The following PLCH1 variants were observed in gnomAD, a reference collection of about 807,000 sequenced individuals.
PLCH1 encodes 1-phosphatidylinositol 4,5-bisphosphate phosphodiesterase eta-1.
A neutral mutation model predicts 126.7 loss-of-function variants in PLCH1; 60 were observed. The ratio of observed to expected loss-of-function variants is 0.47; its 90% CI spans 0.38 to 0.59. PLCH1 has a LOEUF of 0.59. Ranked by LOEUF, PLCH1 falls within the 20% of genes least tolerant of loss-of-function variation. The pLI, the probability that PLCH1 is intolerant of heterozygous loss-of-function variation, is 0.00. For missense variants in PLCH1, 1,723 were observed against 2,040.0 expected, an observed-to-expected ratio of 0.84 and a Z score of 2.99; for synonymous variants, 719 against 734.9, an observed-to-expected ratio of 0.98 and a Z score of 0.35.
chr3:155,517,036 A>G, intron 11 of PLCH1, among the ~76,000 whole-genome samples: 1 of 152,164 alleles, frequency 6.6e-6, no homozygotes, highest in Admixed American at 6.5e-5. Context: ...GCCAGGTGCC[A>G]TGGCTCATGT....
intron 21 of PLCH1, among the ~76,000 whole-genome samples, chr3:155,460,041 A>G (rs1326071936): frequency 2.0e-5 from 3 of 152,156 alleles, no homozygotes; most frequent in African/African-American, 7.2e-5. Flanking sequence ...CTAGCTCTCT[A>G]GGTGGTTGAG....
intron 1 of PLCH1, among the ~76,000 whole-genome samples, chr3:155,732,707 A>G (rs113596092): frequency 0.048 from 7,284 of 151,794 alleles, 606 homozygotes; most frequent in African/African-American, 0.17. Flanking sequence ...ATGAAACCCC[A>G]TCTCCACTAA....
At chr3:155,736,648 G>A (rs187546686) in intron 1 of PLCH1, among the ~76,000 whole-genome samples, 1 of 152,238 alleles carries the variant, frequency 6.6e-6, no homozygotes, top group Non-Finnish European at 1.5e-5. Flanking sequence ...ATTAAAAATT[G>A]CAAAACCTCT....
At chr3:155,529,034 C>T (rs923304807) in intron 10 of PLCH1, among the ~76,000 whole-genome samples, 2 of 152,180 alleles carry the variant, frequency 1.3e-5, no homozygotes, top group African/African-American at 4.8e-5. Context: ...AATGGTGTTA[C>T]TCCAAAGGAA....
intron 8 of PLCH1, among the ~76,000 whole-genome samples, chr3:155,555,428 T>C (rs1726698043): frequency 6.6e-6 from 1 of 152,188 alleles, no homozygotes; most frequent in African/African-American, 2.4e-5. Context: ...ACTTTAGAAG[T>C]GGTGAAGATG....
At chr3:155,589,649 G>A (rs772842679) in intron 4 of PLCH1, among the ~76,000 whole-genome samples, 8 of 152,110 alleles carry the variant, frequency 5.3e-5, no homozygotes, top group Admixed American at 2.0e-4. Flanking sequence ...AAACATGAAG[G>A]AGAATGGTCT....
At chr3:155,483,421 TA>T in intron 22 of PLCH1, 1 of 1,429,530 alleles carries the variant, frequency 7.0e-7, no homozygotes, top group Non-Finnish European at 9.5e-7. Context: ...ACAGCTCTGT[TA>T]AACAAAGCAT....
At chr3:155,685,383 T>C (rs563992575) in intron 2 of PLCH1, among the ~76,000 whole-genome samples, 3 of 152,320 alleles carry the variant, frequency 2.0e-5, no homozygotes, top group East Asian at 3.9e-4. Context: ...ATTTTCCAAA[T>C]GGCCTTCTGG....
At chr3:155,468,150 CTTGT>C (rs1260487775) in intron 21 of PLCH1, among the ~76,000 whole-genome samples, 2 of 152,112 alleles carry the variant, frequency 1.3e-5, no homozygotes, top group African/African-American at 4.8e-5. Context: ...TTTCCTTTTG[CTTGT>C]TTGTTTATGC....
intron 1 of PLCH1, among the ~76,000 whole-genome samples, chr3:155,733,934 C>CATATATATATATAT (rs35149793): frequency 1.5e-4 from 15 of 98,156 alleles, no homozygotes; most frequent in Non-Finnish European, 2.6e-4. Flanking sequence ...AACAGGTATA[C>CATATATATATATAT]ATATATATAT....
chr3:155,475,493 GA>G (rs1713502644), downstream of PLCH1, among the ~76,000 whole-genome samples: 1 of 151,998 alleles, frequency 6.6e-6, no homozygotes, highest in African/African-American at 2.4e-5. Context: ...AACAACATTA[GA>G]GTGGGAAAAA....
At chr3:155,603,791 A>G (rs898033405) in intron 2 of PLCH1, among the ~76,000 whole-genome samples, 6 of 151,990 alleles carry the variant, frequency 3.9e-5, no homozygotes, top group African/African-American at 1.5e-4. Context: ...TTTTTTAATG[A>G]TCTCTATATA....
chr3:155,710,023 C>T (rs912190658), intron 1 of PLCH1, among the ~76,000 whole-genome samples: 2 of 152,146 alleles, frequency 1.3e-5, no homozygotes, highest in Non-Finnish European at 2.9e-5. Flanking sequence ...AGTCTCACTC[C>T]GTCACCCAGG....
At chr3:155,505,120 A>G (rs533212038) in intron 12 of PLCH1, among the ~76,000 whole-genome samples, 1 of 152,362 alleles carries the variant, frequency 6.6e-6, no homozygotes, top group South Asian at 2.1e-4. Flanking sequence ...TTAAAACATT[A>G]TAAATAAATA....
At position 155,494,212 on chromosome 3, in the gene PLCH1, T is replaced by G. The variant is rs1716666652; in HGVS notation, c.2111A>C (p.Gln704Pro). The change falls in exon 17 of 23, where the codon CAG becomes CCG. Residue 704 changes from glutamine (Q) to proline (P), a missense_variant. Transcript: ENST00000460012. ...TGCCTTGAATTTGGCTCGGTTTAACTGCATCATTCGTCCTTCAGATTGATA... is the reference window on the plus strand; with the variant it reads ...TGCCTTGAATTTGGCTCGGTTTAACGGCATCATTCGTCCTTCAGATTGATA... ...LNYQSEGRMM[Q>P]LNRAKFKANG... 3 of 1,614,172 alleles carry G rather than the reference T, an allele frequency of 1.9e-6. No homozygotes were observed. The highest frequency in any genetic ancestry group is 3.3e-5 in the Admixed American group (2 of 60,016).
chr3:155,684,986 G>A (rs1049323606), intron 2 of PLCH1, among the ~76,000 whole-genome samples: 1 of 152,172 alleles, frequency 6.6e-6, no homozygotes. Flanking sequence ...CAGAAACAAG[G>A]AGGAACATAA....
rs1233569721 is a variant in PLCH1, at chr3:155,482,841, G to A, written c.3185C>T (p.Ala1062Val). 5.6e-6 allele frequency: 9 copies of A among 1,614,154 alleles called. No individual in the cohort carries two copies. The highest frequency in any genetic ancestry group is 7.6e-6 in the Non-Finnish European group (9 of 1,180,024). ...SPRGGRTTSN[A>V]TSNCQENPCP... Reference sequence around the variant, plus strand: ...GGGGTTTTCCTGGCAATTGCTTGTGGCATTTGATGTGGTTCTCCCACCCCT... The same window carrying A: ...GGGGTTTTCCTGGCAATTGCTTGTGACATTTGATGTGGTTCTCCCACCCCT... Residue 1062 changes from alanine to valine, a missense_variant, in exon 23 of 23, where the codon GCC (alanine) becomes GTC (valine). This residue lies in a region of PLCH1 where 947 missense variants were observed against 977.1 expected (regional missense o/e 0.97). Transcript: ENST00000460012.
chr3:155,542,295 T>C (rs1373308152), intron 10 of PLCH1, among the ~76,000 whole-genome samples: 2 of 152,060 alleles, frequency 1.3e-5, no homozygotes, highest in Non-Finnish European at 1.5e-5. Flanking sequence ...AGCACAGCAG[T>C]CTGAGATCAA....
At chr3:155,477,050 GAC>G (rs1379626149), downstream of PLCH1, among the ~76,000 whole-genome samples, 1 of 152,052 alleles carries the variant, frequency 6.6e-6, no homozygotes, top group Non-Finnish European at 1.5e-5. Flanking sequence ...CATGAAAACA[GAC>G]ACACAGATCA....
Sources: allele counts gnomAD v4.1 joint callset (sites outside exome capture counted in the v4.1 genomes callset), GRCh38; gene constraint gnomAD v4.1.1; regional missense constraint gnomAD v4.1.1; transcripts MANE v1.5; gene names NCBI Gene and HGNC (gene_info 2026-07-23, HGNC 2026-07-21).